Variants in NEMP2 observed in about 807,000 individuals in gnomAD.
The protein encoded by NEMP2 is nuclear envelope integral membrane protein 2, also known as UPF0571 transmembrane protein.
NEMP2 carries 53 observed loss-of-function variants against 54.2 expected under a neutral mutation model. That is an observed-to-expected ratio of 0.98 (90% confidence interval 0.78 to 1.23). The LOEUF is 1.23. NEMP2 is among the 50% of genes most tolerant of loss of function. The probability of loss-of-function intolerance (pLI) is 0.00; values close to 1 mark genes in which losing one functional copy is unlikely to be tolerated. For missense variants in NEMP2, 455 were observed against 511.3 expected (o/e 0.89, Z 1.06); for synonymous variants, 197 against 190.3 (o/e 1.04, Z -0.29).
the NEMP2 span, among the ~76,000 whole-genome samples, chr2:190,430,363 T>C: frequency 6.6e-6 from 1 of 151,354 alleles, no homozygotes; most frequent in African/African-American, 2.4e-5. Flanking sequence ...CCTTCCGCAG[T>C]GTTTGTGTCC....
At chr2:190,475,642 T>C in the NEMP2 span, among the ~76,000 whole-genome samples, 1 of 152,168 alleles carries the variant, frequency 6.6e-6, no homozygotes, top group Non-Finnish European at 1.5e-5. Context: ...CTGCCCAAGG[T>C]AATTTATAGA....
chr2:190,558,203 T>C, the NEMP2 span, among the ~76,000 whole-genome samples: 1 of 152,188 alleles, frequency 6.6e-6, no homozygotes, highest in South Asian at 2.1e-4. This position sits in a 1 kb window ranked among gnomAD's most constrained non-coding sequence, Gnocchi z 4.4. Context: ...ACCATCATTC[T>C]CAGCAAACTA....
chr2:190,635,607 G>A, the NEMP2 span, among the ~76,000 whole-genome samples: 1 of 152,294 alleles, frequency 6.6e-6, no homozygotes, highest in East Asian at 1.9e-4. This position sits in a 1 kb window ranked among gnomAD's most constrained non-coding sequence, Gnocchi z 4.1. Context: ...CATTTTCAGA[G>A]CTATATTCAT....
At chr2:190,467,955 G>A in the NEMP2 span, among the ~76,000 whole-genome samples, 1 of 152,224 alleles carries the variant, frequency 6.6e-6, no homozygotes, top group African/African-American at 2.4e-5. The surrounding 1 kb of genome is among the most constrained non-coding windows in gnomAD (Gnocchi z 5.5). Context: ...TGTTTAATGT[G>A]TGGTCCTTTA....
the NEMP2 span, among the ~76,000 whole-genome samples, chr2:190,604,078 C>T: frequency 2.0e-5 from 3 of 152,168 alleles, no homozygotes; most frequent in African/African-American, 4.8e-5. This position sits in a 1 kb window ranked among gnomAD's most constrained non-coding sequence, Gnocchi z 4.5. Context: ...AAGAATGTGT[C>T]GCACCTGAAA....
At chr2:190,635,170 A>T in the NEMP2 span, among the ~76,000 whole-genome samples, 3 of 152,194 alleles carry the variant, frequency 2.0e-5, no homozygotes, top group African/African-American at 7.2e-5. This position sits in a 1 kb window ranked among gnomAD's most constrained non-coding sequence, Gnocchi z 4.1. Context: ...CAACAATAGC[A>T]TTTGCAAGTT....
chr2:190,443,945 G>A, the NEMP2 span, among the ~76,000 whole-genome samples: 4 of 152,220 alleles, frequency 2.6e-5, no homozygotes, highest in South Asian at 2.1e-4. This position sits in a 1 kb window ranked among gnomAD's most constrained non-coding sequence, Gnocchi z 4.2. Context: ...CCAGTTACTT[G>A]GGAGCCTGAG....
chr2:190,570,237 C>G, the NEMP2 span, among the ~76,000 whole-genome samples: 1 of 152,154 alleles, frequency 6.6e-6, no homozygotes, highest in Non-Finnish European at 1.5e-5. The surrounding 1 kb of genome is among the most constrained non-coding windows in gnomAD (Gnocchi z 5.4). Context: ...TGTTTACTTA[C>G]AAAATGTATA....
At chr2:190,473,438 T>G in the NEMP2 span, among the ~76,000 whole-genome samples, 2 of 152,174 alleles carry the variant, frequency 1.3e-5, no homozygotes, top group Non-Finnish European at 2.9e-5. Flanking sequence ...GTTGCAATCC[T>G]GGTCTCTGAT....
the NEMP2 span, among the ~76,000 whole-genome samples, chr2:190,633,449 G>A: frequency 6.6e-6 from 1 of 151,870 alleles, no homozygotes; most frequent in Non-Finnish European, 1.5e-5. Context: ...GAGTAGCTGG[G>A]ATTACAGGCA....
chr2:190,557,371 C>A, the NEMP2 span, among the ~76,000 whole-genome samples: 9 of 151,984 alleles, frequency 5.9e-5, no homozygotes, highest in African/African-American at 2.2e-4. Context: ...CCATAAAAAC[C>A]CTAGAAGAAA....
At chr2:190,595,333 C>T in the NEMP2 span, among the ~76,000 whole-genome samples, 3 of 152,186 alleles carry the variant, frequency 2.0e-5, no homozygotes, top group African/African-American at 7.2e-5. The surrounding 1 kb of genome is among the most constrained non-coding windows in gnomAD (Gnocchi z 4.0). Context: ...CCATTCAGGA[C>T]ATAGGCATGG....
At chr2:190,449,786 T>G in the NEMP2 span, among the ~76,000 whole-genome samples, 1 of 152,014 alleles carries the variant, frequency 6.6e-6, no homozygotes, top group South Asian at 2.1e-4. Flanking sequence ...ACACCGCATA[T>G]TCTCACTCAT....
the NEMP2 span, among the ~76,000 whole-genome samples, chr2:190,642,545 T>A: frequency 6.6e-6 from 1 of 152,166 alleles, no homozygotes; most frequent in East Asian, 1.9e-4. This position sits in a 1 kb window ranked among gnomAD's most constrained non-coding sequence, Gnocchi z 4.1. Context: ...TTGTTTATAA[T>A]CTCTATATAT....
At chr2:190,643,113 A>G in the NEMP2 span, among the ~76,000 whole-genome samples, 1 of 150,764 alleles carries the variant, frequency 6.6e-6, no homozygotes, top group Non-Finnish European at 1.5e-5. Flanking sequence ...AGTTTTAATA[A>G]CAATTTCTTA....
the NEMP2 span, among the ~76,000 whole-genome samples, chr2:190,441,285 A>C: frequency 1.3e-5 from 2 of 151,856 alleles, no homozygotes; most frequent in Non-Finnish European, 2.9e-5. Flanking sequence ...TTGGTTCTCA[A>C]CTCACCAAGA....
intron 1 of NEMP2, 115 bp downstream of exon 1, chr2:190,534,444 C>T: frequency 8.1e-7 from 1 of 1,230,326 alleles, no homozygotes; most frequent in Non-Finnish European, 1.0e-6. Flanking sequence ...AAAGGGAGCG[C>T]CCGCCCCAGT....
chr2:190,646,456 A>T, the NEMP2 span, among the ~76,000 whole-genome samples: 1 of 152,206 alleles, frequency 6.6e-6, no homozygotes, highest in African/African-American at 2.4e-5. Flanking sequence ...GATACAGGCG[A>T]ATGCTTCAGT....
chr2:190,428,651 TTG>T, the NEMP2 span, among the ~76,000 whole-genome samples: 1 of 119,646 alleles, frequency 8.4e-6, no homozygotes, highest in Non-Finnish European at 1.9e-5. Flanking sequence ...TTAGAGATGC[TTG>T]CTTATTTATT....
Sources: gnomAD v4.1 joint callset for allele counts (sites outside exome capture counted in the v4.1 genomes callset) on GRCh38, gnomAD v4.1.1 for gene constraint, Gnocchi (gnomAD v3.1) non-coding constraint, MANE v1.5 for transcripts, NCBI Gene and HGNC (gene_info 2026-07-23, HGNC 2026-07-21) for gene names.